ARHGAP22: variants seen among roughly 807,000 people sequenced by gnomAD.
The protein encoded by ARHGAP22 is Rho GTPase activating protein 22.
Under a neutral mutation model 59.1 loss-of-function variants are expected in ARHGAP22, and 48 were observed. That is an observed-to-expected ratio of 0.81 (90% CI 0.64 to 1.03). The LOEUF (loss-of-function observed/expected upper bound fraction) is 1.03. Among genes scored for constraint, ARHGAP22 ranks in the 50% least tolerant of loss-of-function variants. The pLI is 0.00. For synonymous variants in ARHGAP22, 445 were observed against 416.4 expected (o/e 1.07, Z -0.84); for missense variants, 1,015 against 958.7 (o/e 1.06, Z -0.78).
chr10:48,584,118 G>A (rs1168207747), intron 1 of ARHGAP22, among the ~76,000 whole-genome samples: 1 of 152,214 alleles, frequency 6.6e-6, no homozygotes, highest in Non-Finnish European at 1.5e-5. Context: ...GAACTCTGGA[G>A]AAATAATTCT....
At chr10:48,581,008 C>T (rs2059084811) in intron 2 of ARHGAP22, among the ~76,000 whole-genome samples, 1 of 151,872 alleles carries the variant, frequency 6.6e-6, no homozygotes, top group African/African-American at 2.4e-5. Context: ...AAGATGAGTC[C>T]CCAGGGGCTA....
chr10:48,481,363 C>G (rs1230583364), intron 3 of ARHGAP22, among the ~76,000 whole-genome samples: 1 of 152,090 alleles, frequency 6.6e-6, no homozygotes, highest in Non-Finnish European at 1.5e-5. Context: ...CACCAGGAAG[C>G]TTTTCTATGT....
chr10:48,498,110 C>T (rs1368199423), intron 3 of ARHGAP22, among the ~76,000 whole-genome samples: 2 of 152,164 alleles, frequency 1.3e-5, no homozygotes, highest in Non-Finnish European at 2.9e-5. Context: ...CGGGTAACAT[C>T]TACCTTGGCC....
At chr10:48,472,212 A>G (rs907914177) in intron 4 of ARHGAP22, among the ~76,000 whole-genome samples, 2 of 150,882 alleles carry the variant, frequency 1.3e-5, no homozygotes, top group African/African-American at 4.9e-5. Context: ...AGTCTCAAAA[A>G]AAGAAAAAAA....
chr10:48,570,073 A>G (rs1365863926), intron 2 of ARHGAP22, among the ~76,000 whole-genome samples: 3 of 152,226 alleles, frequency 2.0e-5, no homozygotes, highest in Non-Finnish European at 4.4e-5. Flanking sequence ...TTTTAACTAA[A>G]TATTGTTTGA....
intron 1 of ARHGAP22, among the ~76,000 whole-genome samples, chr10:48,626,376 C>T (rs1314785342): frequency 6.6e-6 from 1 of 152,148 alleles, no homozygotes; most frequent in Non-Finnish European, 1.5e-5. Context: ...AGGACATCTA[C>T]CCCTCAGTGT....
chr10:48,563,911 A>G (rs1057473903), intron 2 of ARHGAP22, among the ~76,000 whole-genome samples: 3 of 152,256 alleles, frequency 2.0e-5, no homozygotes, highest in African/African-American at 7.2e-5. Flanking sequence ...AAAATAAAAG[A>G]CAACCCAATA....
At chr10:48,522,038 C>T (rs917369747) in intron 3 of ARHGAP22, among the ~76,000 whole-genome samples, 2 of 152,262 alleles carry the variant, frequency 1.3e-5, no homozygotes, top group African/African-American at 4.8e-5. Flanking sequence ...AGACTGGCCA[C>T]ATGGGTTCAA....
At chr10:48,447,388 G>A (rs905052015) in intron 9 of ARHGAP22, among the ~76,000 whole-genome samples, 2 of 152,214 alleles carry the variant, frequency 1.3e-5, no homozygotes, top group Non-Finnish European at 2.9e-5. Context: ...CTGTGGACAG[G>A]ACACAAGCCA....
intron 2 of ARHGAP22, among the ~76,000 whole-genome samples, chr10:48,570,518 A>C (rs1015068061): frequency 6.6e-6 from 1 of 152,232 alleles, no homozygotes. Flanking sequence ...TGAGGGATGC[A>C]TCAGAGCCTG....
chr10:48,499,795 A>G (rs1039459160), intron 3 of ARHGAP22, among the ~76,000 whole-genome samples: 8 of 152,250 alleles, frequency 5.3e-5, no homozygotes, highest in African/African-American at 1.7e-4. Flanking sequence ...TAATATATAA[A>G]AAGAACAATC....
chr10:48,556,903 C>T (rs1182173159), intron 2 of ARHGAP22, among the ~76,000 whole-genome samples: 8 of 152,270 alleles, frequency 5.3e-5, no homozygotes, highest in Admixed American at 5.2e-4. Flanking sequence ...AGAGTACACA[C>T]CCCCAATATT....
intron 1 of ARHGAP22, 65 bp downstream of exon 1, chr10:48,604,698 T>G: frequency 2.5e-6 from 4 of 1,613,396 alleles, no homozygotes; most frequent in Admixed American, 1.7e-5. Flanking sequence ...GCTGGCCAAG[T>G]GTCCGCGCAC....
chr10:48,564,395 A>G (rs1489399655), intron 2 of ARHGAP22, among the ~76,000 whole-genome samples: 1 of 152,222 alleles, frequency 6.6e-6, no homozygotes, highest in Admixed American at 6.5e-5. Flanking sequence ...ATACAATTCC[A>G]TCCCAGTGTC....
intron 9 of ARHGAP22, among the ~76,000 whole-genome samples, chr10:48,449,664 TCA>T (rs1589401621): frequency 6.6e-6 from 1 of 152,228 alleles, no homozygotes; most frequent in African/African-American, 2.4e-5. Context: ...CTGAGGTTCC[TCA>T]CTGCAGAGGG....
At chr10:48,475,242 AG>A (rs2048602242) in intron 4 of ARHGAP22, among the ~76,000 whole-genome samples, 1 of 152,186 alleles carries the variant, frequency 6.6e-6, no homozygotes, top group African/African-American at 2.4e-5. Flanking sequence ...CACTTGGCTC[AG>A]GGTGGCTTCT....
At chr10:48,563,387 G>A (rs1490690484) in intron 2 of ARHGAP22, among the ~76,000 whole-genome samples, 1 of 151,902 alleles carries the variant, frequency 6.6e-6, no homozygotes, top group East Asian at 1.9e-4. Context: ...TGGAGATGGG[G>A]TTTCACCGTG....
At chr10:48,590,701 T>G (rs2059699725) in intron 1 of ARHGAP22, among the ~76,000 whole-genome samples, 1 of 152,224 alleles carries the variant, frequency 6.6e-6, no homozygotes, top group Middle Eastern at 3.2e-3. Context: ...GGACGTGGGC[T>G]GCACGCCTTC....
chr10:48,488,094 G>C, intron 3 of ARHGAP22, among the ~76,000 whole-genome samples: 1 of 152,240 alleles, frequency 6.6e-6, no homozygotes, highest in East Asian at 1.9e-4. Context: ...AACAGCAATA[G>C]AAAACTAATA....
Sources: gnomAD v4.1 joint callset for allele counts (sites outside exome capture counted in the v4.1 genomes callset) on GRCh38, gnomAD v4.1.1 for gene constraint, MANE v1.5 for transcripts, NCBI Gene and HGNC (gene_info 2026-07-23, HGNC 2026-07-21) for gene names.